Variants in FRMD4A observed in about 807,000 individuals in gnomAD.
FRMD4A encodes the protein FERM domain containing 4A, also known as FERM domain-containing protein 4A.
In FRMD4A, 29 loss-of-function variants were observed where a neutral mutation model predicts 129.1. The observed-to-expected ratio is 0.22, with a 90% CI of 0.17 to 0.31. The LOEUF (loss-of-function observed/expected upper bound fraction) is 0.31. Among genes scored for constraint, FRMD4A ranks in the 10% least tolerant of loss-of-function variants. The pLI is 1.00. For synonymous variants in FRMD4A, 634 were observed against 571.6 expected, an observed-to-expected ratio of 1.11 and a Z score of -1.56; for missense variants, 1,272 against 1,375.8, an observed-to-expected ratio of 0.92 and a Z score of 1.19.
chr10:13,980,656 G>A (rs1024731011), intron 2 of FRMD4A, among the ~76,000 whole-genome samples: 3 of 152,160 alleles, frequency 2.0e-5, no homozygotes, highest in African/African-American at 7.2e-5. Context: ...GGAGTGAGAG[G>A]CTACAGTGAG....
At chr10:14,260,563 A>G (rs191710979) in intron 2 of FRMD4A, among the ~76,000 whole-genome samples, 25 of 152,296 alleles carry the variant, frequency 1.6e-4, no homozygotes, top group Admixed American at 1.4e-3. Flanking sequence ...CACCTCAAGG[A>G]CAGGGTTGAA....
chr10:13,932,939 T>C lies in FRMD4A; in HGVS notation c.46-74027A>G, dbSNP rs866994378. 3.9e-5 allele frequency among the ~76,000 whole-genome samples: 6 copies of C among 152,224 alleles called. No individual in the cohort carries two copies. In the South Asian group the frequency reaches 1.0e-3, roughly 26 times the overall value. ...ACTTTGGGAGGCTGAGGCGGGTGGA[T>C]CACCTGAGCTGAGGATTTCGAGACC... On this transcript the variant is annotated intron_variant, in intron 2 of 24. Coordinates refer to ENST00000357447, the MANE Select transcript of FRMD4A (RefSeq NM_018027.5).
chr10:13,850,785 T>A (rs1455349840), intron 3 of FRMD4A, among the ~76,000 whole-genome samples: 1 of 152,238 alleles, frequency 6.6e-6, no homozygotes, highest in Non-Finnish European at 1.5e-5. Flanking sequence ...AGAGGACCTA[T>A]GCTCGAGCTA....
At chr10:13,944,111 G>A (rs529749307) in intron 2 of FRMD4A, among the ~76,000 whole-genome samples, 68 of 152,124 alleles carry the variant, frequency 4.5e-4, no homozygotes, top group Non-Finnish European at 1.3e-4. Context: ...TATTTCTTGG[G>A]GATCTTATGT....
At chr10:14,121,998 C>G (rs1481271061) in intron 2 of FRMD4A, among the ~76,000 whole-genome samples, 1 of 152,222 alleles carries the variant, frequency 6.6e-6, no homozygotes, top group African/African-American at 2.4e-5. Flanking sequence ...GAATGGTTTT[C>G]TACTAGCATT....
At chr10:13,999,935 A>G (rs763264599) in intron 2 of FRMD4A, among the ~76,000 whole-genome samples, 11 of 152,244 alleles carry the variant, frequency 7.2e-5, no homozygotes, top group Non-Finnish European at 1.3e-4. Context: ...GTTTATAACC[A>G]CAAAGGTATT....
chr10:13,822,119 T>A (rs1328094369), intron 3 of FRMD4A, among the ~76,000 whole-genome samples: 1 of 152,238 alleles, frequency 6.6e-6, no homozygotes, highest in Non-Finnish European at 1.5e-5. Context: ...CTATTTGTGA[T>A]GTACAACATG....
chr10:13,819,303 T>C (rs936025981), intron 3 of FRMD4A, among the ~76,000 whole-genome samples: 2 of 152,176 alleles, frequency 1.3e-5, no homozygotes, highest in Admixed American at 6.5e-5. Context: ...TTGATTGAAC[T>C]AAAGAAAACA....
chr10:13,886,909 A>G (rs952232724), intron 2 of FRMD4A, among the ~76,000 whole-genome samples: 1 of 152,238 alleles, frequency 6.6e-6, no homozygotes, highest in Admixed American at 6.5e-5. Flanking sequence ...GTAGCCACGG[A>G]TTGGCAAATA....
chr10:13,714,087 T>C (rs2088523394), intron 12 of FRMD4A, among the ~76,000 whole-genome samples: 1 of 127,214 alleles, frequency 7.9e-6, no homozygotes, highest in Admixed American at 8.8e-5. Flanking sequence ...TGAGACACAG[T>C]CTCACTCTAT....
Position 14,326,880 on chromosome 10 carries a change from AG to A in FRMD4A, c.45+3177del, listed in dbSNP as rs112572440. On this transcript the variant is annotated intron_variant, in intron 2 of 24. Coordinates refer to ENST00000357447, the MANE Select transcript of FRMD4A (RefSeq NM_018027.5). Reference sequence around the variant, plus strand: ...CTTTCGCTGCCTGAGATTCTTGCAAAGATGGGAGAGGCAGCTTTTCAACAGC... The same window carrying A: ...CTTTCGCTGCCTGAGATTCTTGCAAAATGGGAGAGGCAGCTTTTCAACAGC... The A allele has an allele frequency of 5.7e-3, 2,255 of 398,660 alleles. 34 individuals are homozygous for A. The highest frequency in any genetic ancestry group is 0.028 in the African/African-American group (1,354 of 48,750). 24.7% of individuals were successfully genotyped at this position (398,660 alleles called of 1,614,324 possible). A position where few individuals can be genotyped will look rare whatever the true frequency, so the allele number is the denominator to read the frequency against.
intron 3 of FRMD4A, among the ~76,000 whole-genome samples, chr10:13,816,190 C>T (rs576407542): frequency 3.5e-4 from 53 of 152,330 alleles, no homozygotes; most frequent in South Asian, 1.5e-3. Context: ...GAAAAGCCTA[C>T]ATTTATTACT....
At chr10:14,162,630 GTTTTTTTTTTGTT>G (rs1237577259) in intron 2 of FRMD4A, among the ~76,000 whole-genome samples, 3 of 117,312 alleles carry the variant, frequency 2.6e-5, no homozygotes, top group African/African-American at 1.1e-4. Flanking sequence ...GAGTTTCTCT[GTTTTTTTTTTGTT>G]TTTTTTTTTT....
At chr10:13,810,942 G>A (rs753595535) in intron 3 of FRMD4A, 34 bp from the exon 4 acceptor site, 1 of 1,061,192 alleles carries the variant, frequency 9.4e-7, no homozygotes, top group African/African-American at 1.6e-5. Flanking sequence ...AAGGGTAAGT[G>A]ATGAGAGACT....
At chr10:13,881,515 T>C (rs1425327073) in intron 2 of FRMD4A, among the ~76,000 whole-genome samples, 1 of 152,078 alleles carries the variant, frequency 6.6e-6, no homozygotes, top group Non-Finnish European at 1.5e-5. Context: ...CAGAGCTCCC[T>C]AGCAGAGAGA....
At chr10:13,771,247 T>C (rs1439337979) in intron 6 of FRMD4A, among the ~76,000 whole-genome samples, 3 of 151,684 alleles carry the variant, frequency 2.0e-5, no homozygotes, top group Non-Finnish European at 4.4e-5. Flanking sequence ...GCTAATTAAA[T>C]ATATTTTTTT....
At chr10:13,721,198 C>G (rs1351076960) in intron 12 of FRMD4A, among the ~76,000 whole-genome samples, 1 of 152,146 alleles carries the variant, frequency 6.6e-6, no homozygotes, top group Non-Finnish European at 1.5e-5. Flanking sequence ...CAATGAAACT[C>G]TGGCTGGGCC....
intron 2 of FRMD4A, among the ~76,000 whole-genome samples, chr10:14,181,446 G>A (rs903126050): frequency 6.6e-6 from 1 of 152,154 alleles, no homozygotes; most frequent in Admixed American, 6.5e-5. Context: ...GCATCTGGGC[G>A]GAAGCAATGC....
intron 2 of FRMD4A, among the ~76,000 whole-genome samples, chr10:13,899,855 T>G (rs933377836): frequency 6.6e-6 from 1 of 152,188 alleles, no homozygotes; most frequent in African/African-American, 2.4e-5. Flanking sequence ...TAACTGTGGA[T>G]GGAGTCCCAG....
Sources: allele counts gnomAD v4.1 joint callset (sites outside exome capture counted in the v4.1 genomes callset), GRCh38; gene constraint gnomAD v4.1.1; transcripts MANE v1.5; gene names NCBI Gene and HGNC (gene_info 2026-07-23, HGNC 2026-07-21).